The following DOK6 variants were observed in gnomAD, a reference collection of about 807,000 sequenced individuals.
DOK6 encodes downstream of tyrosine kinase 6.
A neutral mutation model predicts 44.0 loss-of-function variants in DOK6; 22 were observed. The ratio of observed to expected loss-of-function variants is 0.50; its 90% CI spans 0.36 to 0.71. The LOEUF (loss-of-function observed/expected upper bound fraction) is 0.71, where lower values mean the gene tolerates loss of function less well. Among genes scored for constraint, DOK6 ranks in the 30% least tolerant of loss-of-function variants. The probability of loss-of-function intolerance (pLI) is 0.00; values close to 1 mark genes in which losing one functional copy is unlikely to be tolerated. For missense variants in DOK6, 340 were observed against 416.4 expected, an observed-to-expected ratio of 0.82 and a Z score of 1.60; for synonymous variants, 166 against 145.5, an observed-to-expected ratio of 1.14 and a Z score of -1.01.
chr18:69,458,355 A>G (rs1424630026), intron 1 of DOK6, among the ~76,000 whole-genome samples: 1 of 152,210 alleles, frequency 6.6e-6, no homozygotes, highest in Non-Finnish European at 1.5e-5. Flanking sequence ...TCCTTTCATG[A>G]TAATAGTCCT....
rs33984456 is a variant in DOK6 at position 69,401,369 on chromosome 18, T to TG, written c.66+69dup. 11,314 of 1,236,954 alleles carry TG rather than the reference T, an allele frequency of 9.1e-3. 15 individuals carry two copies. Among genetic ancestry groups the TG allele is most frequent in the South Asian group, 0.031 (1,686 of 54,812 alleles). The allele number at this position is 1,236,954 out of a possible 1,614,324, so 76.6% of individuals were successfully genotyped here. On this transcript the variant is annotated intron_variant, in intron 1 of 7. Coordinates refer to ENST00000382713, the MANE Select transcript of DOK6 (RefSeq NM_152721.6). ...CGCTCGTTCGGCCCGGCTGGCTGCC[T>TG]GGGGGGGGGGCAGGGAGAGGTGACC...
Position 69,627,958 on chromosome 18 carries a change from TA to T in DOK6, c.289+28464del, listed in dbSNP as rs1477437699. ...AGAGATGTCACTTCATAAAACTGCA[TA>T]AAATAGAAAAGATAAAATCCTCATT... On this transcript the variant is annotated intron_variant, in intron 3 of 7. Coordinates refer to ENST00000382713, the MANE Select transcript of DOK6 (RefSeq NM_152721.6). Among the ~76,000 whole-genome samples the T allele has an allele frequency of 2.0e-5, 3 of 152,330 alleles. No homozygotes were observed. The East Asian group carries it at 5.8e-4, about 29-fold the overall frequency.
chr18:69,841,666 T>C lies in DOK6; in HGVS notation c.*283T>C, dbSNP rs548268301. 3.0e-6 allele frequency: 1 copy of C among 338,428 alleles called. No individual in the cohort carries two copies. Among genetic ancestry groups the C allele is most frequent in the East Asian group, 5.7e-5 (1 of 17,666 alleles). The allele number at this position is 338,428 out of a possible 1,614,324, so 21.0% of individuals were successfully genotyped here. A position where few individuals can be genotyped will look rare whatever the true frequency, so the allele number is the denominator to read the frequency against. On this transcript the variant is annotated 3_prime_UTR_variant, in exon 8 of 8. Transcript: ENST00000382713. ...AAACAAAATTCTTTGGGTCTGACAGTAACAGAAACCTCAGCACTGGGAAAA... is the reference window on the plus strand; with the variant it reads ...AAACAAAATTCTTTGGGTCTGACAGCAACAGAAACCTCAGCACTGGGAAAA...
chr18:69,598,338 C>A (rs1384771421), intron 2 of DOK6, among the ~76,000 whole-genome samples: 1 of 151,444 alleles, frequency 6.6e-6, no homozygotes, highest in African/African-American at 2.4e-5. Context: ...AGCAAAATAG[C>A]CTTGAAAAAG....
intron 1 of DOK6, among the ~76,000 whole-genome samples, chr18:69,452,323 T>C (rs1327612788): frequency 1.3e-5 from 2 of 151,294 alleles, no homozygotes; most frequent in Non-Finnish European, 2.9e-5. Flanking sequence ...AAGAAATGGA[T>C]ACATTCCTCA....
intron 1 of DOK6, among the ~76,000 whole-genome samples, chr18:69,549,378 AG>A (rs1982500971): frequency 6.6e-6 from 1 of 151,464 alleles, no homozygotes; most frequent in Non-Finnish European, 1.5e-5. Flanking sequence ...TTAAATTAGT[AG>A]TTGTAGGATG....
At chr18:69,739,439 C>A (rs1449743383) in intron 6 of DOK6, among the ~76,000 whole-genome samples, 3 of 152,122 alleles carry the variant, frequency 2.0e-5, no homozygotes, top group Non-Finnish European at 4.4e-5. Flanking sequence ...AATATGGGCT[C>A]AAAATAACTA....
chr18:69,787,449 T>C (rs535570883), intron 7 of DOK6, among the ~76,000 whole-genome samples: 24 of 152,194 alleles, frequency 1.6e-4, no homozygotes, highest in Non-Finnish European at 2.9e-5. Flanking sequence ...TCTCTGACAG[T>C]GGAAGAGAAA....
At chr18:69,583,752 CAAAAAAAA>C (rs36222332) in intron 2 of DOK6, among the ~76,000 whole-genome samples, 16,500 of 143,658 alleles carry the variant, frequency 0.11, 1,039 homozygotes, top group East Asian at 0.21. Flanking sequence ...TCCATCCATA[CAAAAAAAA>C]AAAAAAAAAA....
At chr18:69,577,284 A>T (rs150100873) in intron 2 of DOK6, among the ~76,000 whole-genome samples, 1 of 152,184 alleles carries the variant, frequency 6.6e-6, no homozygotes, top group Non-Finnish European at 1.5e-5. Context: ...TTCCACGAAG[A>T]AACGGCCCTA....
chr18:69,815,083 A>G (rs1425667403), intron 7 of DOK6, among the ~76,000 whole-genome samples: 3 of 152,148 alleles, frequency 2.0e-5, no homozygotes, highest in Non-Finnish European at 4.4e-5. Context: ...CCCCCAGAAC[A>G]ATAACTTGCA....
chr18:69,447,611 T>C (rs1018541815), intron 1 of DOK6, among the ~76,000 whole-genome samples: 6 of 152,168 alleles, frequency 3.9e-5, no homozygotes, highest in South Asian at 2.1e-4. Flanking sequence ...ATAATCTTCA[T>C]AAGTTTCTTT....
chr18:69,793,303 A>G (rs1331538910), intron 7 of DOK6, among the ~76,000 whole-genome samples: 7 of 152,182 alleles, frequency 4.6e-5, no homozygotes, highest in African/African-American at 1.7e-4. Flanking sequence ...AGTTATCTAC[A>G]AATACAAGGC....
chr18:69,516,469 G>T (rs566228846), intron 1 of DOK6, among the ~76,000 whole-genome samples: 1 of 152,250 alleles, frequency 6.6e-6, no homozygotes, highest in African/African-American at 2.4e-5. Context: ...ATGGAAGAGG[G>T]TGTATGCAAA....
chr18:69,546,891 T>C (rs73453809), intron 1 of DOK6, among the ~76,000 whole-genome samples: 7,812 of 151,560 alleles, frequency 0.052, 684 homozygotes, highest in African/African-American at 0.17. Context: ...TAAAGAAATA[T>C]CCGAGACTGG....
At chr18:69,581,868 A>G (rs1342176538) in intron 2 of DOK6, among the ~76,000 whole-genome samples, 2 of 152,222 alleles carry the variant, frequency 1.3e-5, no homozygotes, top group African/African-American at 4.8e-5. Context: ...AATTGAAATC[A>G]TGATGGCTGG....
intron 1 of DOK6, among the ~76,000 whole-genome samples, chr18:69,521,905 A>G (rs1296113469): frequency 2.0e-5 from 3 of 152,032 alleles, no homozygotes; most frequent in Non-Finnish European, 4.4e-5. Context: ...AAATATATAC[A>G]ATTATTATGT....
chr18:69,630,622 T>C (rs1467939580), intron 3 of DOK6, among the ~76,000 whole-genome samples: 2 of 152,210 alleles, frequency 1.3e-5, no homozygotes, highest in African/African-American at 4.8e-5. Context: ...GGCGGATAGA[T>C]ATATAATTCT....
chr18:69,842,436 G>C lies in DOK6; in HGVS notation c.*1053G>C, dbSNP rs890833646. ...AGGTTCTAAATGAAGAACTCTTTAA[G>C]AAAGAAAGAATACACCCATAAAGAA... On this transcript the variant is annotated 3_prime_UTR_variant, in exon 8 of 8. Transcript: ENST00000382713. 2.6e-5 allele frequency: 4 copies of C among 152,136 alleles called. No individual in the cohort carries two copies. Among genetic ancestry groups the C allele is most frequent in the Admixed American group, 2.6e-4 (4 of 15,270 alleles). 9.4% of individuals were successfully genotyped at this position (152,136 alleles called of 1,614,324 possible).
Sources: gnomAD v4.1 joint callset for allele counts (sites outside exome capture counted in the v4.1 genomes callset) on GRCh38, gnomAD v4.1.1 for gene constraint, MANE v1.5 for transcripts, NCBI Gene and HGNC (gene_info 2026-07-23, HGNC 2026-07-21) for gene names.